The following NKAIN2 variants were observed in gnomAD, a reference collection of about 807,000 sequenced individuals.
The protein encoded by NKAIN2 is sodium/potassium transporting ATPase interacting 2.
NKAIN2 carries 14 observed loss-of-function variants against 32.6 expected under a neutral mutation model. That is an observed-to-expected ratio of 0.43 (90% CI 0.28 to 0.67). NKAIN2 has a LOEUF of 0.67. Among genes scored for constraint, NKAIN2 ranks in the 30% least tolerant of loss-of-function variants. The pLI is 0.17. For missense variants in NKAIN2, 198 were observed against 258.3 expected, an observed-to-expected ratio of 0.77 and a Z score of 1.60; for synonymous variants, 80 against 87.2, an observed-to-expected ratio of 0.92 and a Z score of 0.46.
intron 1 of NKAIN2, among the ~76,000 whole-genome samples, chr6:124,179,108 ATT>A (rs1789308687): frequency 6.6e-6 from 1 of 152,256 alleles, no homozygotes; most frequent in East Asian, 1.9e-4. Context: ...TAATCAAGGA[ATT>A]TGAAACCAAT....
At chr6:124,324,313 A>C (rs1797329832) in intron 2 of NKAIN2, among the ~76,000 whole-genome samples, 1 of 152,134 alleles carries the variant, frequency 6.6e-6, no homozygotes, top group Non-Finnish European at 1.5e-5. Flanking sequence ...TTACCATACA[A>C]ATTCTATACA....
Position 124,725,899 on chromosome 6 carries a change from C to G in NKAIN2, c.475-65440C>G, listed in dbSNP as rs144856181. ...GCGAGGCATTGCCTCACTTGGGAAGCGCAAGGGGTCAGGGAGTTCCCTTTC... is the reference window on the plus strand; with the variant it reads ...GCGAGGCATTGCCTCACTTGGGAAGGGCAAGGGGTCAGGGAGTTCCCTTTC... On this transcript the variant is annotated intron_variant, in intron 4 of 6. Transcript: ENST00000368417. Among the ~76,000 whole-genome samples, 378 of 152,340 alleles carry G rather than the reference C, an allele frequency of 2.5e-3. 1 individual carries two copies. The highest frequency in any genetic ancestry group is 8.5e-3 in the African/African-American group (352 of 41,568).
chr6:124,457,366 T>C (rs1402264295), intron 3 of NKAIN2, among the ~76,000 whole-genome samples: 2 of 151,956 alleles, frequency 1.3e-5, no homozygotes, highest in Non-Finnish European at 2.9e-5. Context: ...AAAGCTAAAG[T>C]AGTGGTATGT....
intron 2 of NKAIN2, among the ~76,000 whole-genome samples, chr6:124,338,919 T>C (rs1273616332): frequency 6.6e-6 from 1 of 152,240 alleles, no homozygotes; most frequent in Non-Finnish European, 1.5e-5. Flanking sequence ...TTCAGCATTA[T>C]ATTTTAGTGA....
At chr6:124,122,635 T>C (rs1045992517) in intron 1 of NKAIN2, among the ~76,000 whole-genome samples, 1 of 152,126 alleles carries the variant, frequency 6.6e-6, no homozygotes, top group Non-Finnish European at 1.5e-5. Flanking sequence ...CAATGGATAA[T>C]AGCAACCTCA....
intron 1 of NKAIN2, among the ~76,000 whole-genome samples, chr6:124,066,625 A>T (rs1247783836): frequency 1.3e-5 from 2 of 152,212 alleles, no homozygotes; most frequent in African/African-American, 4.8e-5. Flanking sequence ...TGAGACCATT[A>T]TAAATTTGAG....
At chr6:124,220,624 G>A (rs1304731691) in intron 1 of NKAIN2, among the ~76,000 whole-genome samples, 2 of 151,120 alleles carry the variant, frequency 1.3e-5, no homozygotes, top group African/African-American at 4.9e-5. Context: ...TATCACCTAA[G>A]AATATGAGAA....
At chr6:124,374,308 G>C (rs1314002220) in intron 3 of NKAIN2, among the ~76,000 whole-genome samples, 1 of 146,508 alleles carries the variant, frequency 6.8e-6, no homozygotes, top group East Asian at 2.0e-4. Flanking sequence ...AGAGAGTTTT[G>C]AAAAAAAAAA....
intron 1 of NKAIN2, among the ~76,000 whole-genome samples, chr6:124,211,248 A>T (rs1056160170): frequency 1.2e-4 from 18 of 151,906 alleles, no homozygotes; most frequent in African/African-American, 2.9e-4. Context: ...ATATAATTTT[A>T]AAAAGATTAT....
At chr6:124,514,702 A>G (rs1200666652) in intron 3 of NKAIN2, among the ~76,000 whole-genome samples, 2 of 151,860 alleles carry the variant, frequency 1.3e-5, no homozygotes, top group Non-Finnish European at 2.9e-5. Flanking sequence ...TCAGTAGTTC[A>G]GTAAATATGG....
At chr6:123,946,643 A>G (rs1297111208) in intron 1 of NKAIN2, among the ~76,000 whole-genome samples, 3 of 152,356 alleles carry the variant, frequency 2.0e-5, no homozygotes, top group South Asian at 4.1e-4. Flanking sequence ...ATTTGCTGCT[A>G]CCTCTACAGA....
chr6:123,814,357 G>A (rs1773605402), intron 1 of NKAIN2, among the ~76,000 whole-genome samples: 1 of 152,154 alleles, frequency 6.6e-6, no homozygotes. Context: ...GAGATACGGG[G>A]CAATGCATTT....
At chr6:124,305,643 A>G (rs1328804962) in intron 2 of NKAIN2, among the ~76,000 whole-genome samples, 1 of 152,232 alleles carries the variant, frequency 6.6e-6, no homozygotes, top group Non-Finnish European at 1.5e-5. Context: ...TCCCGGGGTC[A>G]TACTTTAAGC....
At chr6:124,001,360 G>A (rs1779870939) in intron 1 of NKAIN2, among the ~76,000 whole-genome samples, 1 of 151,970 alleles carries the variant, frequency 6.6e-6, no homozygotes, top group Non-Finnish European at 1.5e-5. Context: ...GTATATGTGG[G>A]CTGGTAAGGA....
chr6:123,947,536 G>A (rs1030028002), intron 1 of NKAIN2, among the ~76,000 whole-genome samples: 2 of 152,086 alleles, frequency 1.3e-5, no homozygotes, highest in African/African-American at 4.8e-5. Context: ...GGCCTTAAAA[G>A]CATGTGTCTG....
chr6:124,526,391 T>C (rs1779313674), intron 3 of NKAIN2, among the ~76,000 whole-genome samples: 1 of 152,098 alleles, frequency 6.6e-6, no homozygotes, highest in Non-Finnish European at 1.5e-5. Flanking sequence ...GGTTAAAAAA[T>C]GTACTGGGTA....
intron 1 of NKAIN2, among the ~76,000 whole-genome samples, chr6:124,169,996 C>T (rs1788766306): frequency 6.6e-6 from 1 of 152,018 alleles, no homozygotes; most frequent in African/African-American, 2.4e-5. Flanking sequence ...GTTTCCTTCC[C>T]AACAGTAGCC....
chr6:124,801,577 T>C (rs1289049650), intron 5 of NKAIN2, among the ~76,000 whole-genome samples: 1 of 152,216 alleles, frequency 6.6e-6, no homozygotes, highest in Admixed American at 6.5e-5. Context: ...TACTGGGTGG[T>C]AGGCTATTTA....
intron 3 of NKAIN2, among the ~76,000 whole-genome samples, chr6:124,447,841 G>C (rs1435074600): frequency 6.6e-6 from 1 of 152,098 alleles, no homozygotes; most frequent in Non-Finnish European, 1.5e-5. Flanking sequence ...TCCTCACCCT[G>C]TGGCACATAT....
Sources: allele counts gnomAD v4.1 joint callset (sites outside exome capture counted in the v4.1 genomes callset), GRCh38; gene constraint gnomAD v4.1.1; transcripts MANE v1.5; gene names NCBI Gene and HGNC (gene_info 2026-07-23, HGNC 2026-07-21).